SNTG2: variants seen among roughly 807,000 people sequenced by gnomAD.
The protein encoded by SNTG2 is gamma-2-syntrophin.
SNTG2 carries 74 observed loss-of-function variants against 70.9 expected under a neutral mutation model. The observed-to-expected ratio is 1.04, with a 90% CI of 0.86 to 1.27. The LOEUF (loss-of-function observed/expected upper bound fraction) is 1.27, where lower values mean the gene tolerates loss of function less well. SNTG2 is among the 50% of genes most tolerant of loss of function. The probability of loss-of-function intolerance (pLI) is 0.00; values close to 1 mark genes in which losing one functional copy is unlikely to be tolerated. For missense variants in SNTG2, 717 were observed against 690.7 expected, an observed-to-expected ratio of 1.04 and a Z score of -0.43; for synonymous variants, 278 against 273.8, an observed-to-expected ratio of 1.02 and a Z score of -0.15.
At chr2:1,291,350 T>G (rs1275621846) in intron 14 of SNTG2, among the ~76,000 whole-genome samples, 1 of 152,194 alleles carries the variant, frequency 6.6e-6, no homozygotes, top group Non-Finnish European at 1.5e-5. Context: ...AAGTTTTAAT[T>G]TTGGTATTAT....
At chr2:1,308,362 T>C in intron 14 of SNTG2, 132 bp from the exon 15 acceptor site, 2 of 768,074 alleles carry the variant, frequency 2.6e-6, no homozygotes, top group South Asian at 1.7e-5. Flanking sequence ...TCCTCCTGTT[T>C]TGTTCCCCGT....
chr2:1,091,345 A>T (rs1665014158), intron 2 of SNTG2, among the ~76,000 whole-genome samples: 1 of 152,118 alleles, frequency 6.6e-6, no homozygotes, highest in Non-Finnish European at 1.5e-5. Context: ...GCCCATCAGT[A>T]CAGGGGCTGG....
At position 1,106,351 on chromosome 2, in the gene SNTG2, T is replaced by C. The variant is rs1189082215; in HGVS notation, c.325+7941T>C. Among the ~76,000 whole-genome samples, 27 of 116,438 alleles carry C rather than the reference T, an allele frequency of 2.3e-4. 1 individual carries two copies. The highest frequency in any genetic ancestry group is 7.9e-4 in the African/African-American group (24 of 30,460). 76.4% of individuals were successfully genotyped at this position (116,438 alleles called of 152,430 possible). On this transcript the variant is annotated intron_variant, in intron 4 of 16. Transcript: ENST00000308624. ...ATAATGGACACGTGCTGTCACTCGG[T>C]GCAGGGTATGGAGAGCTCCTTGGTA...
chr2:1,365,584 T>TGGCTCTCC (rs1661434449), intron 16 of SNTG2, among the ~76,000 whole-genome samples: 1 of 152,156 alleles, frequency 6.6e-6, no homozygotes, highest in Non-Finnish European at 1.5e-5. Flanking sequence ...GCTGGCTCGC[T>TGGCTCTCC]GGCTCTCCAC....
At chr2:1,121,845 G>A (rs1667400144) in intron 4 of SNTG2, among the ~76,000 whole-genome samples, 1 of 152,142 alleles carries the variant, frequency 6.6e-6, no homozygotes, top group Non-Finnish European at 1.5e-5. Context: ...AATTGAAGAT[G>A]AGATTTGGGT....
At chr2:972,959 A>T (rs878933402) in intron 1 of SNTG2, among the ~76,000 whole-genome samples, 2 of 152,196 alleles carry the variant, frequency 1.3e-5, no homozygotes, top group Admixed American at 1.3e-4. Flanking sequence ...ACAAGTATCT[A>T]CTACTATGTG....
intron 1 of SNTG2, among the ~76,000 whole-genome samples, chr2:1,006,881 T>A (rs983592849): frequency 6.6e-6 from 1 of 151,834 alleles, no homozygotes; most frequent in Non-Finnish European, 1.5e-5. Context: ...AGTACAATAT[T>A]AGCCAGGCAT....
At chr2:1,017,285 A>C (rs1239220449) in intron 1 of SNTG2, among the ~76,000 whole-genome samples, 1 of 152,236 alleles carries the variant, frequency 6.6e-6, no homozygotes, top group African/African-American at 2.4e-5. Context: ...CTTCATTAGA[A>C]AATGAAATTG....
intron 16 of SNTG2, among the ~76,000 whole-genome samples, chr2:1,342,518 G>GCAGCTTCCTGTAGGACAGCA (rs1660172494): frequency 5.1e-5 from 1 of 19,784 alleles, no homozygotes; most frequent in Non-Finnish European, 9.7e-5. Flanking sequence ...GTAGGACAGC[G>GCAGCTTCCTGTAGGACAGCA]GCAGCTTCCT....
intron 9 of SNTG2, among the ~76,000 whole-genome samples, chr2:1,234,299 C>T (rs1432235519): frequency 6.6e-6 from 1 of 152,226 alleles, no homozygotes; most frequent in Non-Finnish European, 1.5e-5. Flanking sequence ...CAACAGTGAG[C>T]CACGCTGTGA....
chr2:993,359 T>G lies in SNTG2; in HGVS notation c.72+42291T>G, dbSNP rs552303523. 5.9e-5 allele frequency among the ~76,000 whole-genome samples: 9 copies of G among 152,212 alleles called. No individual in the cohort carries two copies. In the East Asian group the frequency reaches 1.5e-3, roughly 26 times the overall value. On this transcript the variant is annotated intron_variant, in intron 1 of 16. Transcript: ENST00000308624. ...ATTATAGTATTAGACCGTTTTCTTG[T>G]TACTACCAGATACATTCCATTGTAG... is the stretch of plus-strand genomic sequence containing the variant.
chr2:1,255,925 T>TATATAAATATAC (rs1461104097), intron 12 of SNTG2, among the ~76,000 whole-genome samples: 1 of 49,252 alleles, frequency 2.0e-5, no homozygotes, highest in Admixed American at 2.3e-4. Context: ...TATAAATATA[T>TATATAAATATAC]AAATATATAA....
At position 1,097,147 on chromosome 2, in the gene SNTG2, T is replaced by C. The variant is rs1665444357; in HGVS notation, c.211-1049T>C. ...GGTATATTTGCTCTAATTTTTGGTT[T>C]CTTTCCTTTGAGTTTATGAAGTATT... is the stretch of plus-strand genomic sequence containing the variant. On this transcript the variant is annotated intron_variant, in intron 2 of 16. Coordinates refer to ENST00000308624, the MANE Select transcript of SNTG2 (RefSeq NM_018968.4). This position sits in a 1 kb window ranked among gnomAD's most constrained non-coding sequence, Gnocchi z 4.1. 6.6e-6 allele frequency among the ~76,000 whole-genome samples: 1 copy of C among 152,244 alleles called. No individual in the cohort carries two copies. The highest frequency in any genetic ancestry group is 2.4e-5 in the African/African-American group (1 of 41,460).
At chr2:1,032,078 C>T (rs1467993018) in intron 1 of SNTG2, among the ~76,000 whole-genome samples, 2 of 152,166 alleles carry the variant, frequency 1.3e-5, no homozygotes, top group African/African-American at 4.8e-5. Context: ...TAGCTACTGA[C>T]AGCATTGCTT....
intron 1 of SNTG2, among the ~76,000 whole-genome samples, chr2:1,067,070 A>C (rs575142304): frequency 6.6e-6 from 1 of 152,256 alleles, no homozygotes; most frequent in South Asian, 2.1e-4. Context: ...AAATCGCTCA[A>C]ATTTGCTTTT....
chr2:1,225,248 G>C (rs1675692100), intron 9 of SNTG2, among the ~76,000 whole-genome samples: 1 of 152,180 alleles, frequency 6.6e-6, no homozygotes, highest in Admixed American at 6.5e-5. Flanking sequence ...AGCATATAAA[G>C]TAATTTACAC....
In SNTG2 at chr2:1,221,985, C is replaced by G. The variant is rs1553361964; in HGVS notation, c.719+12755C>G. On this transcript the variant is annotated intron_variant, in intron 9 of 16. Transcript: ENST00000308624. Reference sequence around the variant, plus strand: ...TCTCTCTGTCTCTGTCTCTGTCTCTCTCTGTCTCTGTCTCTGTCTCTCTCT... The same window carrying G: ...TCTCTCTGTCTCTGTCTCTGTCTCTGTCTGTCTCTGTCTCTGTCTCTCTCT... Among the ~76,000 whole-genome samples, 2 of 26,558 alleles carry G rather than the reference C, an allele frequency of 7.5e-5. 1 individual carries two copies. The highest frequency in any genetic ancestry group is 2.3e-4 in the African/African-American group (2 of 8,876). The allele number at this position is 26,558 out of a possible 152,430, so 17.4% of individuals were successfully genotyped here. A position where few individuals can be genotyped will look rare whatever the true frequency, so the allele number is the denominator to read the frequency against.
At chr2:1,142,592 G>A (rs1221044426) in intron 6 of SNTG2, among the ~76,000 whole-genome samples, 1 of 152,130 alleles carries the variant, frequency 6.6e-6, no homozygotes, top group Non-Finnish European at 1.5e-5. Flanking sequence ...AATTCCTTCT[G>A]GGACCACACA....
chr2:1,109,192 G>T lies in SNTG2; in HGVS notation c.325+10782G>T, dbSNP rs369749119. ...AAAAGCGGCTTGCGAAGTCCCCTAA[G>T]CCCCTTTTATTCCCCCTAACAGTGG... On this transcript the variant is annotated intron_variant, in intron 4 of 16. Coordinates refer to ENST00000308624, the MANE Select transcript of SNTG2 (RefSeq NM_018968.4). Among the ~76,000 whole-genome samples the T allele has an allele frequency of 2.6e-5, 4 of 151,984 alleles. No individual in the cohort carries two copies. In the East Asian group the frequency reaches 5.8e-4, roughly 22 times the overall value.
Sources: gnomAD v4.1 joint callset for allele counts (sites outside exome capture counted in the v4.1 genomes callset) on GRCh38, gnomAD v4.1.1 for gene constraint, Gnocchi (gnomAD v3.1) non-coding constraint, MANE v1.5 for transcripts, NCBI Gene and HGNC (gene_info 2026-07-23, HGNC 2026-07-21) for gene names.